ZNF79: variants seen among roughly 807,000 people sequenced by gnomAD.
The protein encoded by ZNF79 is ZNFpT7.
Under a neutral mutation model 14.9 loss-of-function variants are expected in ZNF79, and 13 were observed. That is an observed-to-expected ratio of 0.87 (90% confidence interval 0.57 to 1.38). The LOEUF is 1.38. Ranked by LOEUF, ZNF79 falls within the 40% of genes most tolerant of loss-of-function variation. The pLI, the probability that ZNF79 is intolerant of heterozygous loss-of-function variation, is 0.00. For synonymous variants in ZNF79, 223 were observed against 235.1 expected, an observed-to-expected ratio of 0.95 and a Z score of 0.47; for missense variants, 631 against 630.6, an observed-to-expected ratio of 1.00 and a Z score of -0.01.
chr9:127,436,093 G>A, intron 4 of ZNF79, 90 bp downstream of exon 4: 2 of 1,113,498 alleles, frequency 1.8e-6, no homozygotes, highest in South Asian at 2.5e-5. Flanking sequence ...CATAACAACT[G>A]TGAGGTAGGC....
intron 2 of ZNF79, among the ~76,000 whole-genome samples, chr9:127,430,712 G>A (rs569492244): frequency 1.3e-5 from 2 of 152,322 alleles, no homozygotes; most frequent in East Asian, 1.9e-4. Flanking sequence ...TGTCTTGGCT[G>A]TTGTGAACAG....
chr9:127,437,060 TA>T lies in ZNF79; in HGVS notation c.328+1078del, dbSNP rs769977106. Among the ~76,000 whole-genome samples the T allele has an allele frequency of 7.6e-3, 941 of 123,764 alleles. 6 individuals are homozygous for T. Among genetic ancestry groups the T allele is most frequent in the East Asian group, 0.043 (192 of 4,472 alleles). The allele number at this position is 123,764 out of a possible 152,430, so 81.2% of individuals were successfully genotyped here. A position where few individuals can be genotyped will look rare whatever the true frequency, so the allele number is the denominator to read the frequency against. On this transcript the variant is annotated intron_variant, in intron 4 of 4. Coordinates refer to ENST00000342483, the MANE Select transcript of ZNF79 (RefSeq NM_007135.3). ...GGGTGACAAGAGTGAAACTCTGTCT[TA>T]AAAAAAAAAAAAAAAAAAAAGAAGA...
chr9:127,432,292 C>T (rs1446135166), intron 2 of ZNF79, among the ~76,000 whole-genome samples: 1 of 151,624 alleles, frequency 6.6e-6, no homozygotes, highest in Admixed American at 6.6e-5. Context: ...GGAATACAGG[C>T]GTCCGCCACC....
At chr9:127,430,863 G>A (rs1263210422) in intron 2 of ZNF79, among the ~76,000 whole-genome samples, 3 of 152,152 alleles carry the variant, frequency 2.0e-5, no homozygotes, top group South Asian at 2.1e-4. Flanking sequence ...CTGTTTTTCC[G>A]GAGTGACTGA....
chr9:127,425,002 A>G (rs1833725469), intron 1 of ZNF79, 199 bp downstream of exon 1: 2 of 1,415,078 alleles, frequency 1.4e-6, no homozygotes, highest in African/African-American at 1.4e-5. Flanking sequence ...TTTTTTGAGT[A>G]AAGAATTCGG....
At chr9:127,439,711 A>C (rs1459587364) in intron 4 of ZNF79, among the ~76,000 whole-genome samples, 1 of 152,190 alleles carries the variant, frequency 6.6e-6, no homozygotes, top group Non-Finnish European at 1.5e-5. Context: ...TGAATCATTC[A>C]TCAATCAGCA....
At chr9:127,426,262 T>C (rs1833751187) in intron 1 of ZNF79, among the ~76,000 whole-genome samples, 1 of 152,186 alleles carries the variant, frequency 6.6e-6, no homozygotes, top group South Asian at 2.1e-4. Flanking sequence ...CCTGTAGCAG[T>C]GACTCCCCAG....
intron 2 of ZNF79, among the ~76,000 whole-genome samples, chr9:127,431,096 A>G (rs949950753): frequency 5.9e-5 from 9 of 151,824 alleles, no homozygotes; most frequent in African/African-American, 2.2e-4. Flanking sequence ...GTGTCTGCTC[A>G]TGTCTTTTGC....
intron 2 of ZNF79, among the ~76,000 whole-genome samples, chr9:127,429,262 C>T (rs1008532424): frequency 1.3e-5 from 2 of 151,890 alleles, no homozygotes; most frequent in Non-Finnish European, 2.9e-5. Context: ...CTGATCTGCC[C>T]GACTTGGCCT....
rs781045400 is a variant in ZNF79, at chr9:127,445,108, G to T, written c.1408G>T (p.Val470Leu). The T allele has an allele frequency of 8.7e-6, 14 of 1,613,956 alleles. No homozygotes were observed. In the South Asian group the frequency reaches 8.8e-5, roughly 10 times the overall value. The change falls in exon 5 of 5, where the codon GTG becomes TTG. Residue 470 changes from valine (V) to leucine (L), a missense_variant. Coordinates refer to ENST00000342483, the MANE Select transcript of ZNF79 (RefSeq NM_007135.3). ...LSQHQRIHTG[V>L]KPYECSECGK... ...TCAGCATCAGAGAATCCACACAGGC[G>T]TGAAACCCTACGAATGCAGCGAGTG...
At chr9:127,436,446 A>G (rs1416637510) in intron 4 of ZNF79, among the ~76,000 whole-genome samples, 1 of 152,168 alleles carries the variant, frequency 6.6e-6, no homozygotes, top group Non-Finnish European at 1.5e-5. Context: ...CTGCCACCCC[A>G]TCTGGCCCCT....
chr9:127,442,122 C>T (rs926339634), intron 4 of ZNF79, among the ~76,000 whole-genome samples: 3 of 144,718 alleles, frequency 2.1e-5, no homozygotes, highest in Non-Finnish European at 3.0e-5. Context: ...CATATTAGGC[C>T]GGGTGTGCTA....
At chr9:127,434,043 T>G (rs1469882023) in intron 2 of ZNF79, among the ~76,000 whole-genome samples, 1 of 152,184 alleles carries the variant, frequency 6.6e-6, no homozygotes, top group Non-Finnish European at 1.5e-5. Context: ...TCAAGGCTTT[T>G]TACATTCTGA....
intron 1 of ZNF79, among the ~76,000 whole-genome samples, chr9:127,427,589 T>C (rs1035761360): frequency 2.6e-4 from 38 of 145,614 alleles, no homozygotes; most frequent in African/African-American, 9.2e-4. Context: ...TTGCCCACGC[T>C]GGAGCGTAAT....
chr9:127,438,089 C>T (rs780002933), intron 4 of ZNF79, among the ~76,000 whole-genome samples: 2 of 152,058 alleles, frequency 1.3e-5, no homozygotes, highest in African/African-American at 2.4e-5. Context: ...TCTGCCCTTA[C>T]GCACAGCAGG....
At chr9:127,427,279 C>T (rs1024776230) in intron 1 of ZNF79, among the ~76,000 whole-genome samples, 6 of 150,652 alleles carry the variant, frequency 4.0e-5, no homozygotes, top group South Asian at 4.2e-4. Context: ...AAAAGTTAGC[C>T]GGGCGTGGTG....
intron 2 of ZNF79, among the ~76,000 whole-genome samples, chr9:127,431,984 G>A (rs542657631): frequency 3.9e-5 from 6 of 152,206 alleles, no homozygotes; most frequent in South Asian, 4.1e-4. Context: ...TTTGTTTCAC[G>A]TAGTCCTATG....
At chr9:127,425,615 C>T (rs1393851126) in intron 1 of ZNF79, among the ~76,000 whole-genome samples, 1 of 152,062 alleles carries the variant, frequency 6.6e-6, no homozygotes, top group African/African-American at 2.4e-5. Flanking sequence ...GTTTTTGAGA[C>T]AGAGTCTCGC....
chr9:127,432,152 T>A (rs910158630), intron 2 of ZNF79, among the ~76,000 whole-genome samples: 18 of 106,688 alleles, frequency 1.7e-4, no homozygotes, highest in East Asian at 6.3e-4. Context: ...TATTTTTAAA[T>A]TTTTTTTTTT....
Sources: gnomAD v4.1 joint callset for allele counts (sites outside exome capture counted in the v4.1 genomes callset) on GRCh38, gnomAD v4.1.1 for gene constraint, MANE v1.5 for transcripts, NCBI Gene and HGNC (gene_info 2026-07-23, HGNC 2026-07-21) for gene names.